QTRT1: variants seen among roughly 807,000 people sequenced by gnomAD.
QTRT1 encodes the protein queuine tRNA-ribosyltransferase catalytic subunit 1.
QTRT1 carries 41 observed loss-of-function variants against 44.0 expected under a neutral mutation model. The observed-to-expected ratio is 0.93, with a 90% CI of 0.73 to 1.21. The LOEUF (loss-of-function observed/expected upper bound fraction) is 1.21, where lower values mean the gene tolerates loss of function less well. Among genes scored for constraint, QTRT1 ranks in the 50% most tolerant of loss-of-function variants. The probability of loss-of-function intolerance (pLI) is 0.00; values close to 1 mark genes in which losing one functional copy is unlikely to be tolerated. For synonymous variants in QTRT1, 226 were observed against 237.1 expected (o/e 0.95, Z 0.43); for missense variants, 542 against 575.8 (o/e 0.94, Z 0.60).
At position 10,707,533 on chromosome 19, in the gene QTRT1, C is replaced by T. The variant is rs778260603; in HGVS notation, c.564C>T (p.Ala188=). Residue 188 remains alanine, a synonymous_variant, in exon 5 of 10, where the codon GCC becomes GCT. Coordinates refer to ENST00000250237, the MANE Select transcript of QTRT1 (RefSeq NM_031209.3). ...GCTGGCTGGACCGGTGCATTGCAGC[C>T]CATCAGCGGCCGGACAAGCAGAACC... ...SIRWLDRCIA[A]HQRPDKQNLF... The T allele has an allele frequency of 6.2e-7, 1 of 1,613,176 alleles. No homozygotes were observed. The highest frequency in any genetic ancestry group is 2.2e-5 in the East Asian group (1 of 44,850).
chr19:10,707,653 C>A (rs369708697), intron 5 of QTRT1, 38 bp downstream of exon 5: 11 of 1,468,956 alleles, frequency 7.5e-6, no homozygotes, highest in South Asian at 2.4e-5. Context: ...GCTTGGCCAT[C>A]GCGGAGGTCC....
chr19:10,712,802 G>A lies in QTRT1; in HGVS notation c.906G>A (p.Arg302=), dbSNP rs890168770. ...TGCCCACTGGGAACCTGCAGTTGAG[G>A]AAGAAGGTGTTTGAGAAGGACTTCG... ...ALVPTGNLQL[R]KKVFEKDFGP... The change falls in exon 8 of 10, where the codon AGG becomes AGA. Residue 302 remains arginine, a synonymous_variant. Coordinates refer to ENST00000250237, the MANE Select transcript of QTRT1 (RefSeq NM_031209.3). This position sits in a 1 kb window ranked among gnomAD's most constrained non-coding sequence, Gnocchi z 5.6. 1 of 1,613,932 alleles carries A rather than the reference G, an allele frequency of 6.2e-7. No homozygotes were observed. The highest frequency in any genetic ancestry group is 8.5e-7 in the Non-Finnish European group (1 of 1,180,008).
chr19:10,707,192 G>C (rs138738566), intron 3 of QTRT1, 110 bp from the exon 4 acceptor site: 22 of 1,068,636 alleles, frequency 2.1e-5, no homozygotes, highest in Non-Finnish European at 3.0e-5. Flanking sequence ...TTAGCAAGAC[G>C]GGGGATGGGG....
chr19:10,709,990 G>A (rs56141198), intron 5 of QTRT1, among the ~76,000 whole-genome samples: 109 of 152,160 alleles, frequency 7.2e-4, no homozygotes, highest in Non-Finnish European at 1.3e-3. Flanking sequence ...CAGCCTGGGC[G>A]ACAGAGCAAG....
rs755160955 is a variant in QTRT1 at position 10,713,224 on chromosome 19, C to T, written c.1166C>T (p.Thr389Ile). Residue 389 changes from threonine (T) to isoleucine (I), a missense_variant, in exon 10 of 10, where the codon ACC becomes ATC. Coordinates refer to ENST00000250237, the MANE Select transcript of QTRT1 (RefSeq NM_031209.3). This position sits in a 1 kb window ranked among gnomAD's most constrained non-coding sequence, Gnocchi z 4.3. The stretch of plus-strand genomic sequence containing the variant: ...TACGGGGATCCCACCCTCTGTCCCA[C>T]CTGGGCCACTGACGCTCTGGCCTCT... ...AMYGDPTLCP[T>I]WATDALASVG... The T allele has an allele frequency of 1.2e-6, 2 of 1,605,434 alleles. No individual in the cohort carries two copies. Among genetic ancestry groups the T allele is most frequent in the Admixed American group, 3.4e-5 (2 of 59,554 alleles).
At chr19:10,703,868 C>T (rs994705347) in intron 3 of QTRT1, among the ~76,000 whole-genome samples, 1 of 149,990 alleles carries the variant, frequency 6.7e-6, no homozygotes, top group African/African-American at 2.5e-5. Context: ...TATTTTGAGA[C>T]AGAGTCTCAC....
chr19:10,712,758 C>A lies in QTRT1; in HGVS notation c.862C>A (p.Arg288Ser). 3 of 1,613,532 alleles carry A rather than the reference C, an allele frequency of 1.9e-6. No homozygotes were observed. The highest frequency in any genetic ancestry group is 1.1e-5 in the South Asian group (1 of 91,078). Reference sequence around the variant, plus strand: ...TTTCCCTGCCCTTCCTCTCCCACAGCGCTTTGGCTCTGCCCTGGTGCCCAC... The same window carrying A: ...TTTCCCTGCCCTTCCTCTCCCACAGAGCTTTGGCTCTGCCCTGGTGCCCAC... ...FDCVFPTRTA[R>S]FGSALVPTGN... The change falls in exon 8 of 10, where the codon CGC becomes AGC. Residue 288 changes from arginine (R) to serine (S), a missense_variant and splice_region_variant. Coordinates refer to ENST00000250237, the MANE Select transcript of QTRT1 (RefSeq NM_031209.3). The surrounding 1 kb of genome is among the most constrained non-coding windows in gnomAD (Gnocchi z 5.6).
chr19:10,712,329 T>C lies in QTRT1; in HGVS notation c.785+30T>C. On this transcript the variant is annotated intron_variant, in intron 6 of 9. Coordinates refer to ENST00000250237, the MANE Select transcript of QTRT1 (RefSeq NM_031209.3). The surrounding 1 kb of genome is among the most constrained non-coding windows in gnomAD (Gnocchi z 5.6). The stretch of plus-strand genomic sequence containing the variant: ...GTTGTGGATAGGGAAGCCAGAGCCC[T>C]ACCTGTGGGAAGTGGATTCCTGGGG... The C allele has an allele frequency of 6.3e-7, 1 of 1,586,972 alleles. No individual in the cohort carries two copies. Among genetic ancestry groups the C allele is most frequent in the Non-Finnish European group, 8.6e-7 (1 of 1,165,868 alleles).
chr19:10,713,264 G>T lies in QTRT1; in HGVS notation c.1206G>T (p.Leu402=), dbSNP rs11672431. The part of the protein sequence containing the change: ...TDALASVGIT[L]G ...CTCTGGCCTCTGTGGGAATCACACT[G>T]GGCTGACCTGGCATTGGGAGAGGGA... Residue 402 remains leucine, a synonymous_variant, in exon 10 of 10, where the codon CTG becomes CTT. Coordinates refer to ENST00000250237, the MANE Select transcript of QTRT1 (RefSeq NM_031209.3). This position sits in a 1 kb window ranked among gnomAD's most constrained non-coding sequence, Gnocchi z 4.3. 69,400 of 1,586,108 alleles carry T rather than the reference G, an allele frequency of 0.044. 1,848 individuals carry two copies. Among genetic ancestry groups the T allele is most frequent in the African/African-American group, 0.085 (6,345 of 74,604 alleles).
rs1006520613 is a variant in QTRT1 at position 10,707,767 on chromosome 19, A to G, written c.646+152A>G. The G allele has an allele frequency of 9.0e-5, 50 of 554,080 alleles. 1 individual carries two copies. Among genetic ancestry groups the G allele is most frequent in the Admixed American group, 2.9e-4 (9 of 31,336 alleles). 34.3% of individuals were successfully genotyped at this position (554,080 alleles called of 1,614,324 possible). ...AAGGCTCTCGGGCCACGTGCAGTAG[A>G]ATGTATTGAGAGAATGGCCATGATT... On this transcript the variant is annotated intron_variant, in intron 5 of 9. Transcript: ENST00000250237.
intron 5 of QTRT1, among the ~76,000 whole-genome samples, chr19:10,708,463 TTC>T (rs2068724551): frequency 6.6e-6 from 1 of 152,126 alleles, no homozygotes; most frequent in African/African-American, 2.4e-5. Flanking sequence ...GTGTTTTCTT[TTC>T]TCTTTCATTT....
In QTRT1 at chr19:10,712,053, C is replaced by G; in HGVS notation, c.647-108C>G. On this transcript the variant is annotated intron_variant, in intron 5 of 9. Transcript: ENST00000250237. This position sits in a 1 kb window ranked among gnomAD's most constrained non-coding sequence, Gnocchi z 5.6. The stretch of plus-strand genomic sequence containing the variant: ...TGTCTGTCTGTCTCTGTCTGTTTCT[C>G]TGACTCTCTCCCTGAGCGACTCTGG... 7.1e-7 allele frequency: 1 copy of G among 1,402,466 alleles called. No homozygotes were observed. 86.9% of individuals were successfully genotyped at this position (1,402,466 alleles called of 1,614,324 possible).
chr19:10,712,500 C>T lies in QTRT1; in HGVS notation c.786-53C>T. 1 of 1,535,018 alleles carries T rather than the reference C, an allele frequency of 6.5e-7. No individual in the cohort carries two copies. The highest frequency in any genetic ancestry group is 9.0e-7 in the Non-Finnish European group (1 of 1,108,854). On this transcript the variant is annotated intron_variant, in intron 6 of 9. Transcript: ENST00000250237. The surrounding 1 kb of genome is among the most constrained non-coding windows in gnomAD (Gnocchi z 5.6). ...GGGCAGTGTGAGGGTTGGGAGGGGC[C>T]CTGGGAAGCCCCTGAGGTTCTCTGC...
chr19:10,712,838 C>G lies in QTRT1; in HGVS notation c.942C>G (p.Asp314Glu). ...TTGAGAAGGACTTCGGCCCCATAGA[C>G]CCGGAGTGCACCTGCCCCACGTGCC... is the stretch of plus-strand genomic sequence containing the variant. ...KVFEKDFGPI[D>E]PECTCPTCQK... is the part of the protein sequence containing the mutation. The change falls in exon 8 of 10, where the codon GAC (aspartate) becomes GAG (glutamate). Residue 314 changes from aspartate to glutamate, a missense_variant. Coordinates refer to ENST00000250237, the MANE Select transcript of QTRT1 (RefSeq NM_031209.3). This position sits in a 1 kb window ranked among gnomAD's most constrained non-coding sequence, Gnocchi z 5.6. 6.2e-7 allele frequency: 1 copy of G among 1,613,966 alleles called. No homozygotes were observed. The highest frequency in any genetic ancestry group is 8.5e-7 in the Non-Finnish European group (1 of 1,179,982).
rs750489493 is a variant in QTRT1 at position 10,707,328 on chromosome 19, G to A, written c.478G>A (p.Asp160Asn). Residue 160 changes from aspartate to asparagine, a missense_variant, in exon 4 of 10, where the codon GAC (aspartate) becomes AAC (asparagine). Coordinates refer to ENST00000250237, the MANE Select transcript of QTRT1 (RefSeq NM_031209.3). ...LGSDIIMQLD[D>N]VVSSTVTGPR... ...CTCGGACATCATCATGCAGCTGGAC[G>A]ACGTGGTTAGCAGTACTGTGACTGG... 4.3e-6 allele frequency: 7 copies of A among 1,614,068 alleles called. No individual in the cohort carries two copies. Among genetic ancestry groups the A allele is most frequent in the Non-Finnish European group, 5.1e-6 (6 of 1,180,052 alleles).
chr19:10,712,406 T>A lies in QTRT1; in HGVS notation c.785+107T>A. On this transcript the variant is annotated intron_variant, in intron 6 of 9. Coordinates refer to ENST00000250237, the MANE Select transcript of QTRT1 (RefSeq NM_031209.3). The surrounding 1 kb of genome is among the most constrained non-coding windows in gnomAD (Gnocchi z 5.6). Reference sequence around the variant, plus strand: ...CATTTGGGGGAAACGGACACAGGTCTGATCTGAGGAGACTAGGAAGACATG... The same window carrying A: ...CATTTGGGGGAAACGGACACAGGTCAGATCTGAGGAGACTAGGAAGACATG... 1 of 1,484,304 alleles carries A rather than the reference T, an allele frequency of 6.7e-7. No homozygotes were observed. Among genetic ancestry groups the A allele is most frequent in the Non-Finnish European group, 9.2e-7 (1 of 1,081,160 alleles). 91.9% of individuals were successfully genotyped at this position (1,484,304 alleles called of 1,614,324 possible).
chr19:10,703,564 C>T (rs761650049), intron 3 of QTRT1, among the ~76,000 whole-genome samples: 10 of 152,148 alleles, frequency 6.6e-5, no homozygotes, highest in Non-Finnish European at 1.5e-5. Context: ...AATCCCAGCA[C>T]TTTGGGAGGC....
At position 10,701,441 on chromosome 19, in the gene QTRT1, A is replaced by G. The variant is rs774312277; in HGVS notation, c.-20A>G. Reference sequence around the variant, plus strand: ...CGCCGCCCACTGTGTGGTACGGCCCACGTGGTTCCGACAGTCAAGATGGCG... The same window carrying G: ...CGCCGCCCACTGTGTGGTACGGCCCGCGTGGTTCCGACAGTCAAGATGGCG... On this transcript the variant is annotated 5_prime_UTR_variant, in exon 1 of 10. Coordinates refer to ENST00000250237, the MANE Select transcript of QTRT1 (RefSeq NM_031209.3). 2.6e-6 allele frequency: 4 copies of G among 1,532,852 alleles called. No individual in the cohort carries two copies. Among genetic ancestry groups the G allele is most frequent in the Middle Eastern group, 1.8e-4 (1 of 5,520 alleles). 95.0% of individuals were successfully genotyped at this position (1,532,852 alleles called of 1,614,324 possible).
chr19:10,703,131 C>T (rs1332405854), intron 3 of QTRT1, among the ~76,000 whole-genome samples: 1 of 139,180 alleles, frequency 7.2e-6, no homozygotes, highest in Non-Finnish European at 1.5e-5. Context: ...GGTGTGATAT[C>T]CAGTCACTGC....
Sources: gnomAD v4.1 joint callset for allele counts (sites outside exome capture counted in the v4.1 genomes callset) on GRCh38, gnomAD v4.1.1 for gene constraint, Gnocchi (gnomAD v3.1) non-coding constraint, MANE v1.5 for transcripts, NCBI Gene and HGNC (gene_info 2026-07-23, HGNC 2026-07-21) for gene names.